The following ATG2B variants were observed in gnomAD, a reference collection of about 807,000 sequenced individuals.
The protein encoded by ATG2B is autophagy related 2B, also known as autophagy-related protein 2 homolog B.
Under a neutral mutation model 241.3 loss-of-function variants are expected in ATG2B, and 121 were observed. The observed-to-expected ratio is 0.50, with a 90% CI of 0.43 to 0.58. The LOEUF (loss-of-function observed/expected upper bound fraction) is 0.58. Among genes scored for constraint, ATG2B ranks in the 20% least tolerant of loss-of-function variants. The pLI is 0.00. For synonymous variants in ATG2B, 858 were observed against 876.6 expected (o/e 0.98, Z 0.37); for missense variants, 2,306 against 2,491.6 (o/e 0.93, Z 1.59).
At chr14:96,297,665 G>A (rs1442738207) in intron 34 of ATG2B, among the ~76,000 whole-genome samples, 4 of 152,078 alleles carry the variant, frequency 2.6e-5, no homozygotes, top group African/African-American at 7.2e-5. Context: ...CCAAAGTGCT[G>A]AGATTACAGG....
At chr14:96,304,463 T>A in intron 32 of ATG2B, 32 bp downstream of exon 32, 1 of 1,543,358 alleles carries the variant, frequency 6.5e-7, no homozygotes, top group South Asian at 1.1e-5. Flanking sequence ...ATATCCTACT[T>A]AAGTGGATTT....
In ATG2B at chr14:96,285,545, G is replaced by C. The variant is rs1345858793; in HGVS notation, c.*210C>G. 2 of 576,700 alleles carry C rather than the reference G, an allele frequency of 3.5e-6. No individual in the cohort carries two copies. Among genetic ancestry groups the C allele is most frequent in the African/African-American group, 3.7e-5 (2 of 53,570 alleles). The allele number at this position is 576,700 out of a possible 1,614,324, so 35.7% of individuals were successfully genotyped here. The stretch of plus-strand genomic sequence containing the variant: ...AATGCTTTAAGGACCTTTGACACCA[G>C]CCACCAAACATTTCTATAGGCAAGT... On this transcript the variant is annotated 3_prime_UTR_variant, in exon 42 of 42. Coordinates refer to ENST00000359933, the MANE Select transcript of ATG2B (RefSeq NM_018036.7). The surrounding 1 kb of genome is among the most constrained non-coding windows in gnomAD (Gnocchi z 4.2).
At chr14:96,292,214 T>C (rs976976005) in intron 36 of ATG2B, 116 bp from the exon 37 acceptor site, 26 of 586,392 alleles carry the variant, frequency 4.4e-5, no homozygotes, top group African/African-American at 4.2e-4. Flanking sequence ...ATAAATCATA[T>C]AAATATCTTA....
chr14:96,344,328 T>C (rs1355524974), intron 4 of ATG2B, among the ~76,000 whole-genome samples: 1 of 152,214 alleles, frequency 6.6e-6, no homozygotes, highest in Non-Finnish European at 1.5e-5. Flanking sequence ...GCATTGTTAA[T>C]ATGAAAAAAC....
chr14:96,348,183 A>G (rs73363291), intron 1 of ATG2B, among the ~76,000 whole-genome samples: 4,238 of 152,282 alleles, frequency 0.028, 213 homozygotes, highest in African/African-American at 0.096. Flanking sequence ...GTCATTTGCA[A>G]CAACATGAAT....
intron 41 of ATG2B, among the ~76,000 whole-genome samples, chr14:96,288,399 C>T (rs1210586382): frequency 1.3e-5 from 2 of 152,196 alleles, no homozygotes; most frequent in African/African-American, 4.8e-5. Flanking sequence ...CTGCCCACTG[C>T]CCTTACTAAC....
chr14:96,352,829 G>A (rs117318040), intron 1 of ATG2B, among the ~76,000 whole-genome samples: 5 of 151,608 alleles, frequency 3.3e-5, no homozygotes, highest in African/African-American at 4.8e-5. Flanking sequence ...TAGTCTAGCC[G>A]AAGTGTACAG....
chr14:96,316,794 A>G, intron 20 of ATG2B, 111 bp from the exon 21 acceptor site: 1 of 852,538 alleles, frequency 1.2e-6, no homozygotes, highest in Non-Finnish European at 1.8e-6. Context: ...CCCATACTGC[A>G]GCAAAGCAGT....
At chr14:96,324,158 T>A in intron 15 of ATG2B, 160 bp from the exon 16 acceptor site, 1 of 575,970 alleles carries the variant, frequency 1.7e-6, no homozygotes, top group Admixed American at 3.5e-5. Context: ...GTAGACAGAA[T>A]GAGCCAATAA....
rs2139835144 is a variant in ATG2B, at chr14:96,289,531, T to C, written c.6006+125A>G. On this transcript the variant is annotated intron_variant, in intron 41 of 41. Transcript: ENST00000359933. The surrounding 1 kb of genome is among the most constrained non-coding windows in gnomAD (Gnocchi z 4.3). ...CACAGATATGGGCACATGTTATTAGTGGCAGTTGCCATTCTGCTCCCAGGG... is the reference window on the plus strand; with the variant it reads ...CACAGATATGGGCACATGTTATTAGCGGCAGTTGCCATTCTGCTCCCAGGG... 8.7e-7 allele frequency: 1 copy of C among 1,143,580 alleles called. No individual in the cohort carries two copies. The highest frequency in any genetic ancestry group is 1.3e-6 in the Non-Finnish European group (1 of 797,454). 70.8% of individuals were successfully genotyped at this position (1,143,580 alleles called of 1,614,324 possible). A position where few individuals can be genotyped will look rare whatever the true frequency, so the allele number is the denominator to read the frequency against.
chr14:96,295,012 T>C lies in ATG2B; in HGVS notation c.5374A>G (p.Lys1792Glu). Residue 1792 changes from lysine (K) to glutamate (E), a missense_variant, in exon 36 of 42, where the codon AAG becomes GAG. By Grantham distance (56) the Lys-to-Glu change is moderately conservative (BLOSUM62 1). Around this residue, in one of 2 missense-constraint regions of ATG2B, gnomAD observed 379 missense variants for 480.4 expected, o/e 0.79. Transcript: ENST00000359933. ...GATGCTTCTTCAGCAGAGAAGTTCT[T>C]CTCTTCCATGCCATTAACCACTTCC... Reference protein sequence around the residue: ...SVEVVNGMEEKNFSAEEASFR... With the variant: ...SVEVVNGMEEENFSAEEASFR... 3.7e-6 allele frequency: 6 copies of C among 1,614,214 alleles called. No individual in the cohort carries two copies. The highest frequency in any genetic ancestry group is 1.3e-5 in the African/African-American group (1 of 75,058).
chr14:96,356,089 T>G (rs748868468), intron 1 of ATG2B, among the ~76,000 whole-genome samples: 2 of 149,286 alleles, frequency 1.3e-5, no homozygotes, highest in Non-Finnish European at 3.0e-5. Flanking sequence ...AAGAATGGCA[T>G]AAACCCGGGA....
At position 96,304,527 on chromosome 14, in the gene ATG2B, G is replaced by A. The variant is rs1477657001; in HGVS notation, c.4810C>T (p.His1604Tyr). 1.1e-5 allele frequency: 18 copies of A among 1,612,908 alleles called. No homozygotes were observed. Among genetic ancestry groups the A allele is most frequent in the Non-Finnish European group, 1.4e-5 (17 of 1,179,546 alleles). Residue 1604 changes from histidine to tyrosine, a missense_variant, in exon 32 of 42, where the codon CAT becomes TAT. His to Tyr is a moderately conservative substitution (Grantham distance 83). Coordinates refer to ENST00000359933, the MANE Select transcript of ATG2B (RefSeq NM_018036.7). ...NTVCGGKGRN[H>Y]DFLMEIQLSK... is the part of the protein sequence containing the mutation. ...AGCTGTATTTCCATTAAAAAGTCATGGTTCCTTCCTTTTCCCCCACATACT... is the reference window on the plus strand; with the variant it reads ...AGCTGTATTTCCATTAAAAAGTCATAGTTCCTTCCTTTTCCCCCACATACT...
chr14:96,288,291 T>C (rs569897223), intron 41 of ATG2B, among the ~76,000 whole-genome samples: 40 of 152,228 alleles, frequency 2.6e-4, no homozygotes, highest in Non-Finnish European at 5.0e-4. Context: ...TTACCATATA[T>C]TTGGCACAAA....
rs45468796 is a variant in ATG2B at position 96,295,177 on chromosome 14, T to C, written c.5219-10A>G. The C allele has an allele frequency of 1.2e-6, 2 of 1,610,178 alleles. No individual in the cohort carries two copies. The highest frequency in any genetic ancestry group is 1.7e-6 in the Non-Finnish European group (2 of 1,176,978). On this transcript the variant is annotated splice_polypyrimidine_tract_variant and intron_variant, in intron 35 of 41. Coordinates refer to ENST00000359933, the MANE Select transcript of ATG2B (RefSeq NM_018036.7). ...CCAGGAGACTTTTTAACTGAAAATG[T>C]AATGTGCATGTTTGAAAAATTAGAT... is the stretch of plus-strand genomic sequence containing the variant.
At chr14:96,298,121 A>AAG (rs1259871416) in intron 34 of ATG2B, among the ~76,000 whole-genome samples, 2 of 152,186 alleles carry the variant, frequency 1.3e-5, no homozygotes, top group Non-Finnish European at 2.9e-5. Flanking sequence ...TAAAACTAGC[A>AAG]AGACACAGAC....
At chr14:96,325,582 A>G in intron 15 of ATG2B, 67 bp downstream of exon 15, 1 of 1,431,548 alleles carries the variant, frequency 7.0e-7, no homozygotes, top group Non-Finnish European at 9.5e-7. Context: ...TACTTTTGTG[A>G]TGTTAAGTTT....
At position 96,332,585 on chromosome 14, in the gene ATG2B, C is replaced by T. The variant is rs201390239; in HGVS notation, c.1278G>A (p.Gly426=). 6.0e-5 allele frequency: 96 copies of T among 1,609,974 alleles called. No homozygotes were observed. The South Asian group carries it at 9.6e-4, about 16-fold the overall frequency. Residue 426 remains glycine (G), a synonymous_variant, in exon 9 of 42, where the codon GGG becomes GGA. Transcript: ENST00000359933. ...SHSLSSLPPL[G]DPPNMDLELS... ...ACTCAAGGTCCATGTTTGGGGGGTCCCCAAGGGGTGGAAGAGAAGAGAGAC... is the reference window on the plus strand; with the variant it reads ...ACTCAAGGTCCATGTTTGGGGGGTCTCCAAGGGGTGGAAGAGAAGAGAGAC...
intron 19 of ATG2B, 35 bp downstream of exon 19, chr14:96,317,663 G>A (rs764960597): frequency 1.4e-6 from 2 of 1,481,262 alleles, no homozygotes; most frequent in Admixed American, 1.9e-5. Context: ...GATAAACTAG[G>A]CATTTTAAAT....
Sources: gnomAD v4.1 joint callset for allele counts (sites outside exome capture counted in the v4.1 genomes callset) on GRCh38, gnomAD v4.1.1 for gene constraint, gnomAD v4.1.1 regional missense constraint, Gnocchi (gnomAD v3.1) non-coding constraint, MANE v1.5 for transcripts, NCBI Gene and HGNC (gene_info 2026-07-23, HGNC 2026-07-21) for gene names.